PCDHA6: variants seen among roughly 807,000 people sequenced by gnomAD.
The protein encoded by PCDHA6 is protocadherin alpha-6.
A neutral mutation model predicts 60.3 loss-of-function variants in PCDHA6; 55 were observed. The observed-to-expected ratio is 0.91, with a 90% CI of 0.73 to 1.14. PCDHA6 has a LOEUF of 1.14. Among genes scored for constraint, PCDHA6 ranks in the 50% most tolerant of loss-of-function variants. The pLI is 0.00. For synonymous variants in PCDHA6, 652 were observed against 557.9 expected, an observed-to-expected ratio of 1.17 and a Z score of -2.38; for missense variants, 1,327 against 1,256.5, an observed-to-expected ratio of 1.06 and a Z score of -0.85.
intron 1 of PCDHA6, among the ~76,000 whole-genome samples, chr5:140,941,191 T>TTTCTTTCTTCCTTTCTTCC (rs1487503403): frequency 1.1e-5 from 1 of 93,258 alleles, no homozygotes; most frequent in African/African-American, 3.9e-5. Flanking sequence ...GCTTCTTTTT[T>TTTCTTTCTTCCTTTCTTCC]TTTCTTTCTT....
Position 140,829,244 on chromosome 5 carries a change from G to A in PCDHA6, c.1153G>A (p.Val385Met), listed in dbSNP as rs1386334343. The A allele has an allele frequency of 1.2e-5, 19 of 1,614,148 alleles. No homozygotes were observed. The highest frequency in any genetic ancestry group is 3.3e-5 in the Admixed American group (2 of 60,004). ...CCTCGATTCAGGTGCCAACGGGCAG[G>A]TGAACTGCTCGCTGACGCCTCACGT... ...NDLDSGANGQ[V>M]NCSLTPHVPF... Residue 385 changes from valine to methionine, a missense_variant, in exon 1 of 4, where the codon GTG becomes ATG. Coordinates refer to ENST00000529310, the MANE Select transcript of PCDHA6 (RefSeq NM_018909.4).
chr5:140,921,888 A>G (rs1430604991), intron 1 of PCDHA6, among the ~76,000 whole-genome samples: 8 of 152,090 alleles, frequency 5.3e-5, no homozygotes, highest in African/African-American at 1.9e-4. Context: ...AGATTTTAGA[A>G]AGGAGGATAA....
intron 1 of PCDHA6, chr5:140,967,968 G>A: frequency 3.1e-6 from 5 of 1,614,218 alleles, no homozygotes; most frequent in Non-Finnish European, 4.2e-6. Flanking sequence ...CGGAAAGTGA[G>A]CCTGGGTCTG....
intron 1 of PCDHA6, chr5:140,869,729 A>C (rs1554163384): frequency 6.2e-7 from 1 of 1,613,280 alleles, no homozygotes; most frequent in Admixed American, 1.7e-5. Context: ...CCGGAACTTA[A>C]TTTGCTGCTA....
At chr5:140,876,424 A>G in intron 1 of PCDHA6, 1 of 1,613,970 alleles carries the variant, frequency 6.2e-7, no homozygotes. Context: ...TGCCTATGAA[A>G]TTCAGGTTAA....
chr5:140,863,250 C>T, intron 1 of PCDHA6: 1 of 1,410,418 alleles, frequency 7.1e-7, no homozygotes, highest in Non-Finnish European at 9.7e-7. Context: ...TGGCGGGCGT[C>T]GAGGTCCGGG....
intron 1 of PCDHA6, chr5:140,968,459 G>A (rs1554230743): frequency 6.2e-7 from 1 of 1,614,094 alleles, no homozygotes; most frequent in African/African-American, 1.3e-5. Flanking sequence ...CACTGTGACT[G>A]CCAACGTATA....
chr5:140,853,203 G>A lies in PCDHA6; in HGVS notation c.2394+22718G>A. The A allele has an allele frequency of 3.1e-6, 3 of 982,590 alleles. 1 individual carries two copies. 60.9% of individuals were successfully genotyped at this position (982,590 alleles called of 1,614,324 possible). A position where few individuals can be genotyped will look rare whatever the true frequency, so the allele number is the denominator to read the frequency against. The stretch of plus-strand genomic sequence containing the variant: ...CTAAAATGTGTTCTTTATTATTGAC[G>A]GCTGTATTGATGGGATTGGTAATTT... On this transcript the variant is annotated intron_variant, in intron 1 of 3. Coordinates refer to ENST00000529310, the MANE Select transcript of PCDHA6 (RefSeq NM_018909.4).
In PCDHA6 at chr5:140,847,905, T is replaced by C. The variant is rs2150241062; in HGVS notation, c.2394+17420T>C. 2 of 150,078 alleles carry C rather than the reference T, an allele frequency of 1.3e-5. 1 individual carries two copies. The highest frequency in any genetic ancestry group is 4.2e-4 in the South Asian group (2 of 4,724). The allele number at this position is 150,078 out of a possible 1,614,324, so 9.3% of individuals were successfully genotyped here. A position where few individuals can be genotyped will look rare whatever the true frequency, so the allele number is the denominator to read the frequency against. ...AGTTTCTTTTTCATCAGTAGATTTC[T>C]GGGCTCCTATATTCACTAGAGATTG... is the stretch of plus-strand genomic sequence containing the variant. On this transcript the variant is annotated intron_variant, in intron 1 of 3. Coordinates refer to ENST00000529310, the MANE Select transcript of PCDHA6 (RefSeq NM_018909.4).
In PCDHA6 at chr5:140,845,055, G is replaced by T. The variant is rs2150376092; in HGVS notation, c.2394+14570G>T. 3.3e-5 allele frequency among the ~76,000 whole-genome samples: 5 copies of T among 149,320 alleles called. 1 individual carries two copies. The highest frequency in any genetic ancestry group is 6.0e-5 in the Non-Finnish European group (4 of 66,724). ...TTTTAGCCCCCTTGTCCAACTGAAG[G>T]TAACCTCAAAGCAGCATTGTTTTGT... On this transcript the variant is annotated intron_variant, in intron 1 of 3. Transcript: ENST00000529310.
At chr5:140,850,283 A>G (rs143335350) in intron 1 of PCDHA6, 3 of 1,595,592 alleles carry the variant, frequency 1.9e-6, no homozygotes, top group Non-Finnish European at 2.6e-6. Context: ...AGGTGCGCGC[A>G]GTGGACGCCG....
intron 1 of PCDHA6, chr5:140,882,343 G>A: frequency 6.2e-7 from 1 of 1,614,198 alleles, no homozygotes; most frequent in Non-Finnish European, 8.5e-7. Context: ...CAGCCTGGGA[G>A]ACGGGTAGTG....
intron 1 of PCDHA6, among the ~76,000 whole-genome samples, chr5:140,974,022 A>G (rs1348109814): frequency 2.0e-5 from 3 of 152,248 alleles, no homozygotes; most frequent in African/African-American, 4.8e-5. Context: ...TGATAATACA[A>G]CTATAAATTT....
intron 1 of PCDHA6, chr5:140,834,595 G>T: frequency 6.2e-7 from 1 of 1,614,156 alleles, no homozygotes; most frequent in Non-Finnish European, 8.5e-7. Context: ...TGCAAATTCC[G>T]TGGGGATCTT....
intron 1 of PCDHA6, among the ~76,000 whole-genome samples, chr5:140,902,752 C>A (rs782602670): frequency 2.0e-5 from 3 of 148,884 alleles, no homozygotes; most frequent in African/African-American, 7.3e-5. Flanking sequence ...TCCATTATAT[C>A]ATTCTTATGT....
rs1231856848 is a variant in PCDHA6 at position 141,000,389 on chromosome 5, CTCTCTCTA to C, written c.2543-9236_2543-9229del. 6.2e-3 allele frequency among the ~76,000 whole-genome samples: 389 copies of C among 62,448 alleles called. 3 individuals are homozygous for C. Among genetic ancestry groups the C allele is most frequent in the East Asian group, 0.011 (21 of 1,838 alleles). The allele number at this position is 62,448 out of a possible 152,430, so 41.0% of individuals were successfully genotyped here. A position where few individuals can be genotyped will look rare whatever the true frequency, so the allele number is the denominator to read the frequency against. ...TCTCTCTCTCTCTCTCTCTCTCTCT[CTCTCTCTA>C]TATATATATATATATATATATATAT... is the stretch of plus-strand genomic sequence containing the variant. On this transcript the variant is annotated intron_variant, in intron 3 of 3. Coordinates refer to ENST00000529310, the MANE Select transcript of PCDHA6 (RefSeq NM_018909.4).
intron 1 of PCDHA6, chr5:140,843,313 G>C (rs1554139942): frequency 8.8e-6 from 14 of 1,596,074 alleles, no homozygotes; most frequent in Non-Finnish European, 1.1e-5. Flanking sequence ...CCACGGCCAC[G>C]GTTCTGGTGT....
At chr5:140,877,853 AT>A in intron 1 of PCDHA6, 2 of 1,535,524 alleles carry the variant, frequency 1.3e-6, no homozygotes, top group Non-Finnish European at 1.7e-6. Context: ...AGTTATTAAT[AT>A]TATTTAGATA....
chr5:140,997,831 A>G (rs938860065), intron 3 of PCDHA6, among the ~76,000 whole-genome samples: 3 of 152,210 alleles, frequency 2.0e-5, no homozygotes, highest in African/African-American at 4.8e-5. Context: ...TTTCTAAACA[A>G]TACAATATAC....
Sources: allele counts gnomAD v4.1 joint callset (sites outside exome capture counted in the v4.1 genomes callset), GRCh38; gene constraint gnomAD v4.1.1; transcripts MANE v1.5; gene names NCBI Gene and HGNC (gene_info 2026-07-23, HGNC 2026-07-21).